The following RELCH variants were observed in gnomAD, a reference collection of about 807,000 sequenced individuals.
RELCH encodes the protein RAB11 binding and LisH domain, coiled-coil and HEAT repeat containing.
Under a neutral mutation model 150.3 loss-of-function variants are expected in RELCH, and 41 were observed. The ratio of observed to expected loss-of-function variants is 0.27; its 90% confidence interval spans 0.21 to 0.35. The LOEUF is 0.35. Among genes scored for constraint, RELCH ranks in the 10% least tolerant of loss-of-function variants. The pLI is 1.00. For missense variants in RELCH, 1,092 were observed against 1,467.8 expected (o/e 0.74, Z 4.18); for synonymous variants, 478 against 531.8 (o/e 0.90, Z 1.39).
chr18:62,234,567 A>G (rs1342417610), intron 10 of RELCH, among the ~76,000 whole-genome samples: 1 of 151,984 alleles, frequency 6.6e-6, no homozygotes, highest in Non-Finnish European at 1.5e-5. Flanking sequence ...AGTAAACTGA[A>G]CTTAGTAATA....
At chr18:62,223,092 A>G (rs1316542614) in intron 5 of RELCH, among the ~76,000 whole-genome samples, 4 of 152,032 alleles carry the variant, frequency 2.6e-5, no homozygotes, top group Non-Finnish European at 5.9e-5. Context: ...AAACCAAGTG[A>G]AACCCAAAGT....
At chr18:62,221,932 G>A (rs2100023731) in intron 5 of RELCH, among the ~76,000 whole-genome samples, 1 of 151,852 alleles carries the variant, frequency 6.6e-6, no homozygotes, top group African/African-American at 2.4e-5. Context: ...ATGAGAGTGA[G>A]AAAATCAGCT....
At chr18:62,227,563 C>A in intron 6 of RELCH, 35 bp from the exon 7 acceptor site, 2 of 1,526,980 alleles carry the variant, frequency 1.3e-6, no homozygotes, top group Non-Finnish European at 1.8e-6. Context: ...ACAGTGAGAT[C>A]TTGAGTTTCT....
Position 62,227,282 on chromosome 18 carries a change from C to G in RELCH, c.859-7C>G. 3 of 1,455,890 alleles carry G rather than the reference C, an allele frequency of 2.1e-6. No homozygotes were observed. The highest frequency in any genetic ancestry group is 1.9e-6 in the Non-Finnish European group (2 of 1,076,898). The allele number at this position is 1,455,890 out of a possible 1,614,324, so 90.2% of individuals were successfully genotyped here. On this transcript the variant is annotated splice_polypyrimidine_tract_variant and splice_region_variant and intron_variant, in intron 5 of 28. Coordinates refer to ENST00000644646, the MANE Select transcript of RELCH (RefSeq NM_001346231.2). ...AAGATTTTTTATGTTTTTTTTTTATCTTTTAGGATTTTGAATTATGGGATG... is the reference window on the plus strand; with the variant it reads ...AAGATTTTTTATGTTTTTTTTTTATGTTTTAGGATTTTGAATTATGGGATG...
At chr18:62,240,130 G>A (rs1420878459) in intron 10 of RELCH, among the ~76,000 whole-genome samples, 1 of 151,616 alleles carries the variant, frequency 6.6e-6, no homozygotes, top group Admixed American at 6.6e-5. Flanking sequence ...AAGTAAATAT[G>A]ATATCACATT....
At chr18:62,280,317 A>AAACCATT in intron 23 of RELCH, 1 of 1,538,228 alleles carries the variant, frequency 6.5e-7, no homozygotes. Context: ...TTCTTATTCC[A>AAACCATT]GTTTACCAAA....
At chr18:62,298,591 A>T (rs1157922038) in intron 27 of RELCH, among the ~76,000 whole-genome samples, 199 bp from the exon 28 acceptor site, 2 of 152,188 alleles carry the variant, frequency 1.3e-5, no homozygotes, top group African/African-American at 4.8e-5. Context: ...AATTATTGTT[A>T]TATGATTGAG....
chr18:62,275,628 G>A, intron 22 of RELCH, 155 bp downstream of exon 22: 1 of 484,368 alleles, frequency 2.1e-6, no homozygotes, highest in South Asian at 3.5e-5. Flanking sequence ...TGTACTGTGT[G>A]ATGGGGCAGA....
chr18:62,255,845 A>G (rs2042969839), intron 13 of RELCH, among the ~76,000 whole-genome samples: 1 of 152,042 alleles, frequency 6.6e-6, no homozygotes, highest in African/African-American at 2.4e-5. Flanking sequence ...TGTTGGTGCA[A>G]AAGCAGGGAT....
intron 11 of RELCH, among the ~76,000 whole-genome samples, chr18:62,252,347 G>A (rs192556331): frequency 9.7e-4 from 147 of 151,742 alleles, no homozygotes; most frequent in African/African-American, 3.3e-3. Context: ...GTGAAACGCC[G>A]TCTCTACAAA....
At chr18:62,283,392 A>G (rs9954407) in intron 25 of RELCH, among the ~76,000 whole-genome samples, 22,418 of 152,160 alleles carry the variant, frequency 0.15, 2,061 homozygotes, top group African/African-American at 0.26. Flanking sequence ...ATCAGTTATC[A>G]TAGCTCTTTT....
chr18:62,190,649 T>C (rs1424847821), intron 1 of RELCH, among the ~76,000 whole-genome samples: 3 of 152,188 alleles, frequency 2.0e-5, no homozygotes, highest in South Asian at 2.1e-4. Context: ...AATTCCTTCA[T>C]TCAATATCCT....
In RELCH at chr18:62,231,200, G is replaced by A; in HGVS notation, c.1455G>A (p.Leu485=). The A allele has an allele frequency of 6.3e-7, 1 of 1,589,286 alleles. No homozygotes were observed. The highest frequency in any genetic ancestry group is 8.6e-7 in the Non-Finnish European group (1 of 1,161,216). The change falls in exon 9 of 29, where the codon TTG becomes TTA. Residue 485 remains leucine (L), a synonymous_variant. Transcript: ENST00000644646. ...TVHFDKPNRK[L]SPAFHQALLS... is the part of the protein sequence containing the mutation. ...TTCATACATTTTCTTCTAGGAAATT[G>A]TCTCCTGCATTCCATCAAGCACTAC...
intron 26 of RELCH, among the ~76,000 whole-genome samples, chr18:62,290,291 T>C (rs2045047743): frequency 6.6e-6 from 1 of 152,224 alleles, no homozygotes; most frequent in South Asian, 2.1e-4. Flanking sequence ...CCCAGCACTT[T>C]GGGAGGCCAA....
At chr18:62,279,195 C>T (rs2044372174) in intron 22 of RELCH, among the ~76,000 whole-genome samples, 1 of 152,112 alleles carries the variant, frequency 6.6e-6, no homozygotes, top group South Asian at 2.1e-4. Context: ...ATCTGATTCC[C>T]AAGTGTAATA....
At chr18:62,239,145 A>C (rs1241656401) in intron 10 of RELCH, among the ~76,000 whole-genome samples, 6 of 152,136 alleles carry the variant, frequency 3.9e-5, no homozygotes, top group African/African-American at 1.4e-4. Flanking sequence ...GCATGTGTGC[A>C]TATTTAATTT....
intron 28 of RELCH, among the ~76,000 whole-genome samples, chr18:62,302,674 A>C (rs2045716419): frequency 6.6e-6 from 1 of 151,956 alleles, no homozygotes; most frequent in Admixed American, 6.6e-5. Flanking sequence ...ACAGGCGTGC[A>C]CCATCATGCC....
At chr18:62,258,700 A>T in intron 15 of RELCH, 24 bp downstream of exon 15, 1 of 1,519,974 alleles carries the variant, frequency 6.6e-7, no homozygotes, top group Non-Finnish European at 8.9e-7. Flanking sequence ...TTGTTTATAT[A>T]GTTTGTAGAA....
intron 22 of RELCH, among the ~76,000 whole-genome samples, chr18:62,278,830 A>C (rs1371951082): frequency 6.6e-6 from 1 of 152,192 alleles, no homozygotes; most frequent in Non-Finnish European, 1.5e-5. Flanking sequence ...ATAGAGATCT[A>C]GTTCTACTCA....
Sources: allele counts gnomAD v4.1 joint callset (sites outside exome capture counted in the v4.1 genomes callset), GRCh38; gene constraint gnomAD v4.1.1; transcripts MANE v1.5; gene names NCBI Gene and HGNC (gene_info 2026-07-23, HGNC 2026-07-21).